Variants in AMPH observed in about 807,000 individuals in gnomAD.
AMPH encodes amphiphysin.
A neutral mutation model predicts 99.1 loss-of-function variants in AMPH; 49 were observed. That is an observed-to-expected ratio of 0.49 (90% CI 0.39 to 0.63). AMPH has a LOEUF of 0.63. Ranked by LOEUF, AMPH falls within the 20% of genes least tolerant of loss-of-function variation. The pLI is 0.00. For synonymous variants in AMPH, 314 were observed against 317.3 expected (o/e 0.99, Z 0.11); for missense variants, 759 against 863.4 (o/e 0.88, Z 1.52).
chr7:38,583,402 T>TC (rs1248867710), intron 1 of AMPH, among the ~76,000 whole-genome samples: 1 of 79,202 alleles, frequency 1.3e-5, no homozygotes, highest in Non-Finnish European at 3.4e-5. Flanking sequence ...AAATAGTGAA[T>TC]TTTTTTTAGT....
chr7:38,394,919 A>C (rs1328115687), intron 17 of AMPH, among the ~76,000 whole-genome samples: 2 of 152,148 alleles, frequency 1.3e-5, no homozygotes, highest in African/African-American at 4.8e-5. Flanking sequence ...TAAATACTGA[A>C]GTTCTCAAAA....
At chr7:38,496,210 G>A (rs555459157) in intron 3 of AMPH, among the ~76,000 whole-genome samples, 22 of 152,310 alleles carry the variant, frequency 1.4e-4, no homozygotes, top group Admixed American at 1.2e-3. Context: ...ATTCTTGCTG[G>A]ATTGGAGGTA....
At chr7:38,475,534 G>C (rs1488008607) in intron 6 of AMPH, 118 bp from the exon 7 acceptor site, 4 of 664,560 alleles carry the variant, frequency 6.0e-6, no homozygotes, top group African/African-American at 1.9e-5. Flanking sequence ...TTGAGAAGGA[G>C]AGTATTTGGT....
rs544043387 is a variant in AMPH at position 38,566,425 on chromosome 7, A to AT, written c.70-31415_70-31414insA. Among the ~76,000 whole-genome samples, 328 of 152,184 alleles carry AT rather than the reference A, an allele frequency of 2.2e-3. 2 individuals are homozygous for AT. Among genetic ancestry groups the AT allele is most frequent in the Non-Finnish European group, 3.5e-3 (239 of 67,998 alleles). On this transcript the variant is annotated intron_variant, in intron 1 of 20. Coordinates refer to ENST00000356264, the MANE Select transcript of AMPH (RefSeq NM_001635.4). Reference sequence around the variant, plus strand: ...TCATTAGTTATTAAAATATGCAAGGACCTAACACCATAAAAACCGTAGAAG... The same window carrying AT: ...TCATTAGTTATTAAAATATGCAAGGATCCTAACACCATAAAAACCGTAGAAG...
chr7:38,436,269 T>C lies in AMPH; in HGVS notation c.1134+3A>G, dbSNP rs112152348. On this transcript the variant is annotated splice_donor_region_variant and intron_variant, in intron 12 of 20. Coordinates refer to ENST00000356264, the MANE Select transcript of AMPH (RefSeq NM_001635.4). The stretch of plus-strand genomic sequence containing the variant: ...CTCCAAACATCCAAAAAGCACCTGA[T>C]ACCTGAGACATGGGTGAGTGGGTCA... 1 of 1,611,376 alleles carries C rather than the reference T, an allele frequency of 6.2e-7. No homozygotes were observed. Among genetic ancestry groups the C allele is most frequent in the Non-Finnish European group, 8.5e-7 (1 of 1,177,484 alleles).
At chr7:38,608,123 C>G (rs1167391879) in intron 1 of AMPH, among the ~76,000 whole-genome samples, 1 of 152,180 alleles carries the variant, frequency 6.6e-6, no homozygotes, top group African/African-American at 2.4e-5. Context: ...CAGGCAAGAG[C>G]CACCACGCCT....
At chr7:38,469,830 T>C (rs34433569) in intron 7 of AMPH, among the ~76,000 whole-genome samples, 8,900 of 152,230 alleles carry the variant, frequency 0.058, 272 homozygotes, top group South Asian at 0.11. Flanking sequence ...ATTCTATTTA[T>C]ACACATTCTG....
chr7:38,428,191 C>A (rs1437335030), intron 14 of AMPH: 1 of 456,622 alleles, frequency 2.2e-6, no homozygotes, highest in East Asian at 6.9e-5. Flanking sequence ...GCTTGGCCAT[C>A]TGGTATACCA....
rs1033676140 is a variant in AMPH, at chr7:38,548,885, T to C, written c.70-13874A>G. Among the ~76,000 whole-genome samples, 17 of 141,060 alleles carry C rather than the reference T, an allele frequency of 1.2e-4. 1 individual carries two copies. The highest frequency in any genetic ancestry group is 1.0e-3 in the Admixed American group (15 of 14,524). The allele number at this position is 141,060 out of a possible 152,430, so 92.5% of individuals were successfully genotyped here. On this transcript the variant is annotated intron_variant, in intron 1 of 20. Coordinates refer to ENST00000356264, the MANE Select transcript of AMPH (RefSeq NM_001635.4). Reference sequence around the variant, plus strand: ...TCTTTTATTACGCAGTTGAGTTGTCTACGTGGCCAGTGCCATGTTGTCTGC... The same window carrying C: ...TCTTTTATTACGCAGTTGAGTTGTCCACGTGGCCAGTGCCATGTTGTCTGC...
intron 14 of AMPH, chr7:38,427,939 A>T (rs752813008): frequency 6.1e-5 from 28 of 456,718 alleles, no homozygotes; most frequent in South Asian, 4.2e-4. Flanking sequence ...TGGTCTCGGG[A>T]ACTAGCAGAA....
chr7:38,443,092 CTG>C (rs1385596595), intron 11 of AMPH, among the ~76,000 whole-genome samples: 2 of 152,084 alleles, frequency 1.3e-5, no homozygotes, highest in East Asian at 3.8e-4. Context: ...TGATGAACCA[CTG>C]TACTCCAAAT....
chr7:38,417,404 AT>A (rs1272807656), intron 17 of AMPH, among the ~76,000 whole-genome samples: 2 of 152,224 alleles, frequency 1.3e-5, no homozygotes, highest in Admixed American at 6.5e-5. Context: ...TCAACACCTC[AT>A]TGGACCTTAA....
At chr7:38,498,257 G>T (rs1210628720) in intron 3 of AMPH, among the ~76,000 whole-genome samples, 1 of 151,980 alleles carries the variant, frequency 6.6e-6, no homozygotes, top group Non-Finnish European at 1.5e-5. Flanking sequence ...CCCTTCCCTG[G>T]ATTAGATACT....
chr7:38,597,877 G>A (rs1407709475), intron 1 of AMPH, among the ~76,000 whole-genome samples: 2 of 152,210 alleles, frequency 1.3e-5, no homozygotes, highest in African/African-American at 2.4e-5. Flanking sequence ...TGTAGTATCT[G>A]CCTTGGCACC....
At chr7:38,559,827 T>C (rs1271822138) in intron 1 of AMPH, among the ~76,000 whole-genome samples, 4 of 152,220 alleles carry the variant, frequency 2.6e-5, no homozygotes, top group Admixed American at 6.5e-5. Context: ...TATGCCGAGT[T>C]TGTGGATCAT....
chr7:38,570,488 C>G (rs1174868068), intron 1 of AMPH, among the ~76,000 whole-genome samples: 1 of 152,072 alleles, frequency 6.6e-6, no homozygotes, highest in Non-Finnish European at 1.5e-5. Context: ...ATTCTTACCA[C>G]CTAGTGATGT....
chr7:38,609,008 A>G (rs1344809311), intron 1 of AMPH, among the ~76,000 whole-genome samples: 1 of 152,202 alleles, frequency 6.6e-6, no homozygotes, highest in Non-Finnish European at 1.5e-5. Context: ...CGATATTTTA[A>G]GCCAAAGCAA....
chr7:38,403,779 G>A (rs187919432), intron 17 of AMPH, among the ~76,000 whole-genome samples: 2 of 152,350 alleles, frequency 1.3e-5, no homozygotes, highest in East Asian at 1.9e-4. Flanking sequence ...ATGGAAAAGA[G>A]GCCATTTCCC....
At chr7:38,538,234 G>A (rs1172072923) in intron 1 of AMPH, among the ~76,000 whole-genome samples, 1 of 152,134 alleles carries the variant, frequency 6.6e-6, no homozygotes. Flanking sequence ...TACATTCTGA[G>A]AATCCATAAT....
Sources: allele counts gnomAD v4.1 joint callset (sites outside exome capture counted in the v4.1 genomes callset), GRCh38; gene constraint gnomAD v4.1.1; transcripts MANE v1.5; gene names NCBI Gene and HGNC (gene_info 2026-07-23, HGNC 2026-07-21).